Variants in RASGRF2 observed in about 807,000 individuals in gnomAD.
The protein encoded by RASGRF2 is ras-specific guanine nucleotide-releasing factor 2.
A neutral mutation model predicts 151.0 loss-of-function variants in RASGRF2; 76 were observed. The ratio of observed to expected loss-of-function variants is 0.50; its 90% CI spans 0.42 to 0.61. The LOEUF is 0.61. Among genes scored for constraint, RASGRF2 ranks in the 20% least tolerant of loss-of-function variants. RASGRF2 has a pLI of 0.00. For missense variants in RASGRF2, 1,148 were observed against 1,564.6 expected, an observed-to-expected ratio of 0.73 and a Z score of 4.49; for synonymous variants, 504 against 566.5, an observed-to-expected ratio of 0.89 and a Z score of 1.57.
At chr5:81,186,006 T>A (rs1269168702) in intron 18 of RASGRF2, among the ~76,000 whole-genome samples, 1 of 152,204 alleles carries the variant, frequency 6.6e-6, no homozygotes, top group Non-Finnish European at 1.5e-5. Context: ...TTATTACTTA[T>A]GATACAGGGA....
intron 17 of RASGRF2, among the ~76,000 whole-genome samples, chr5:81,132,491 C>CT (rs1164718685): frequency 6.6e-6 from 1 of 152,096 alleles, no homozygotes; most frequent in South Asian, 2.1e-4. Context: ...TTTAGTATCA[C>CT]TTTTTTGGAT....
chr5:81,093,047 G>A (rs1466512800), intron 10 of RASGRF2, 86 bp downstream of exon 10: 5 of 1,351,698 alleles, frequency 3.7e-6, no homozygotes, highest in Non-Finnish European at 5.1e-6. Context: ...TCCCATGCTT[G>A]GTATTATCAT....
intron 6 of RASGRF2, 106 bp from the exon 7 acceptor site, chr5:81,080,490 G>A: frequency 2.4e-6 from 3 of 1,227,804 alleles, no homozygotes; most frequent in Non-Finnish European, 3.5e-6. Context: ...GCGGCTCCAT[G>A]CATGTGTGAC....
chr5:81,197,462 C>CAAAAAAAAAAA (rs10674027), intron 18 of RASGRF2, among the ~76,000 whole-genome samples: 5 of 63,718 alleles, frequency 7.8e-5, no homozygotes, highest in Non-Finnish European at 1.0e-4. Context: ...GACTCCGTCT[C>CAAAAAAAAAAA]AAAAAAAAAA....
intron 17 of RASGRF2, among the ~76,000 whole-genome samples, chr5:81,178,460 TAGAA>T (rs1325632822): frequency 1.3e-5 from 2 of 152,050 alleles, no homozygotes; most frequent in Non-Finnish European, 2.9e-5. Flanking sequence ...AACAGGAAAA[TAGAA>T]AGAGACAATT....
At chr5:81,149,854 A>G (rs561002520) in intron 17 of RASGRF2, among the ~76,000 whole-genome samples, 1 of 152,210 alleles carries the variant, frequency 6.6e-6, no homozygotes, top group African/African-American at 2.4e-5. Context: ...TCCAGTCTTG[A>G]TTTTTGAAAA....
chr5:81,109,174 C>T (rs982981338), intron 13 of RASGRF2, 96 bp downstream of exon 13: 1 of 1,461,626 alleles, frequency 6.8e-7, no homozygotes, highest in Non-Finnish European at 9.1e-7. Flanking sequence ...TAGAATTCTG[C>T]TTCTTGTTGA....
chr5:81,084,094 T>C (rs1752160983), intron 7 of RASGRF2, among the ~76,000 whole-genome samples: 1 of 152,198 alleles, frequency 6.6e-6, no homozygotes, highest in African/African-American at 2.4e-5. Flanking sequence ...GGCCAGAGAC[T>C]GAATTCAAAT....
chr5:81,029,133 G>T (rs922836559), intron 1 of RASGRF2, among the ~76,000 whole-genome samples: 9 of 152,332 alleles, frequency 5.9e-5, no homozygotes, highest in Admixed American at 5.9e-4. Context: ...GCTTGAGTAG[G>T]TAAACAAAGT....
intron 13 of RASGRF2, among the ~76,000 whole-genome samples, chr5:81,112,201 G>A (rs139514063): frequency 9.2e-5 from 14 of 151,928 alleles, no homozygotes; most frequent in African/African-American, 2.4e-4. Context: ...CCAGTCAACC[G>A]CAGATCCAAA....
At chr5:81,071,087 T>C (rs1217338854) in intron 4 of RASGRF2, among the ~76,000 whole-genome samples, 1 of 152,170 alleles carries the variant, frequency 6.6e-6, no homozygotes, top group Admixed American at 6.5e-5. Context: ...GCACAACTTT[T>C]GCAATGAACC....
intron 1 of RASGRF2, among the ~76,000 whole-genome samples, chr5:80,983,183 G>A (rs952079768): frequency 6.6e-6 from 1 of 152,254 alleles, no homozygotes; most frequent in Admixed American, 6.5e-5. Flanking sequence ...AGCAATGACA[G>A]AGACCAAGCT....
chr5:81,118,254 G>A (rs1018533381), intron 15 of RASGRF2, among the ~76,000 whole-genome samples: 1 of 152,258 alleles, frequency 6.6e-6, no homozygotes, highest in Admixed American at 6.5e-5. Flanking sequence ...GGTGAAGGAA[G>A]CTGTGCCTTC....
At chr5:81,102,069 G>T (rs138977508) in intron 12 of RASGRF2, among the ~76,000 whole-genome samples, 2 of 152,118 alleles carry the variant, frequency 1.3e-5, no homozygotes, top group Non-Finnish European at 2.9e-5. Flanking sequence ...ATTTTAATGC[G>T]TAGGTATATT....
intron 16 of RASGRF2, 147 bp downstream of exon 16, chr5:81,123,914 C>T (rs1753383458): frequency 9.0e-6 from 10 of 1,114,080 alleles, no homozygotes; most frequent in Non-Finnish European, 1.2e-5. Flanking sequence ...ACAGTCGGCC[C>T]TTTGTATCTG....
intron 17 of RASGRF2, among the ~76,000 whole-genome samples, chr5:81,152,962 A>G (rs1189419664): frequency 6.6e-6 from 1 of 152,338 alleles, no homozygotes; most frequent in East Asian, 1.9e-4. Context: ...TGGAAACATT[A>G]GCAATCTCAG....
At chr5:81,056,829 A>G (rs1273278662) in intron 2 of RASGRF2, among the ~76,000 whole-genome samples, 1 of 152,192 alleles carries the variant, frequency 6.6e-6, no homozygotes, top group Admixed American at 6.5e-5. Flanking sequence ...GGGTGCCTAT[A>G]TATTTAGGAT....
At chr5:81,015,917 C>T (rs990044110) in intron 1 of RASGRF2, among the ~76,000 whole-genome samples, 1 of 152,140 alleles carries the variant, frequency 6.6e-6, no homozygotes, top group Non-Finnish European at 1.5e-5. Context: ...TTAATCAATG[C>T]AATGGTGTTT....
intron 12 of RASGRF2, among the ~76,000 whole-genome samples, chr5:81,101,616 GTC>G (rs1273837308): frequency 6.6e-6 from 1 of 151,556 alleles, no homozygotes; most frequent in Admixed American, 6.6e-5. Flanking sequence ...ATCTCTCTCT[GTC>G]TCTCTTTCTT....
Sources: gnomAD v4.1 joint callset for allele counts (sites outside exome capture counted in the v4.1 genomes callset) on GRCh38, gnomAD v4.1.1 for gene constraint, MANE v1.5 for transcripts, NCBI Gene and HGNC (gene_info 2026-07-23, HGNC 2026-07-21) for gene names.